Variants in PAN3 observed in about 807,000 individuals in gnomAD.
The protein encoded by PAN3 is PAN2-PAN3 deadenylation complex subunit PAN3.
PAN3 carries 19 observed loss-of-function variants against 96.2 expected under a neutral mutation model. The ratio of observed to expected loss-of-function variants is 0.20; its 90% CI spans 0.14 to 0.29. The LOEUF is 0.29. Ranked by LOEUF, PAN3 falls within the 10% of genes least tolerant of loss-of-function variation. PAN3 has a pLI of 1.00. For synonymous variants in PAN3, 433 were observed against 406.6 expected (o/e 1.06, Z -0.78); for missense variants, 882 against 1,108.1 (o/e 0.80, Z 2.90).
At chr13:28,203,874 G>T (rs1879048928) in intron 5 of PAN3, among the ~76,000 whole-genome samples, 3 of 150,458 alleles carry the variant, frequency 2.0e-5, no homozygotes, top group Non-Finnish European at 3.0e-5. Context: ...TGTGATCTCG[G>T]CTCACTGCAT....
intron 7 of PAN3, among the ~76,000 whole-genome samples, chr13:28,260,100 A>G (rs554276187): frequency 3.2e-4 from 48 of 152,264 alleles, no homozygotes; most frequent in African/African-American, 1.1e-3. Flanking sequence ...CTTATTGATT[A>G]TGAAAAATTA....
In PAN3 at chr13:28,138,946, G is replaced by A. The variant is rs765091877; in HGVS notation, c.289G>A (p.Gly97Ser). 3.0e-6 allele frequency: 4 copies of A among 1,326,130 alleles called. No individual in the cohort carries two copies. The South Asian group carries it at 6.5e-5, about 21-fold the overall frequency. 82.1% of individuals were successfully genotyped at this position (1,326,130 alleles called of 1,614,324 possible). A position where few individuals can be genotyped will look rare whatever the true frequency, so the allele number is the denominator to read the frequency against. The part of the protein sequence containing the change: ...PLALAGAPVA[G>S]FPPGAVAGGG... ...GGCTCTGGCTGGTGCACCCGTGGCC[G>A]GCTTTCCGCCGGGAGCCGTCGCGGG... Residue 97 changes from glycine (G) to serine (S), a missense_variant, in exon 1 of 19, where the codon GGC becomes AGC. This residue lies in a region of PAN3 where 442 missense variants were observed against 422.8 expected (regional missense o/e 1.05). Transcript: ENST00000380958.
At chr13:28,220,162 T>C (rs1179291103) in intron 5 of PAN3, 69 bp from the exon 6 acceptor site, 1 of 1,438,682 alleles carries the variant, frequency 7.0e-7, no homozygotes. Context: ...CTGTGGAATA[T>C]GCCTAGTAGA....
chr13:28,138,772 G>A lies in PAN3; in HGVS notation c.115G>A (p.Gly39Arg). The A allele has an allele frequency of 7.3e-7, 1 of 1,367,054 alleles. No individual in the cohort carries two copies. Among genetic ancestry groups the A allele is most frequent in the Non-Finnish European group, 9.4e-7 (1 of 1,064,258 alleles). The allele number at this position is 1,367,054 out of a possible 1,614,324, so 84.7% of individuals were successfully genotyped here. ...GCCGGGGGTCGGGGGTGTCCCCGGCGGGGCGGCGGTAGGAGTGAAGCTGAA... is the reference window on the plus strand; with the variant it reads ...GCCGGGGGTCGGGGGTGTCCCCGGCAGGGCGGCGGTAGGAGTGAAGCTGAA... ...APPGVGGVPG[G>R]AAVGVKLKYC... The change falls in exon 1 of 19, where the codon GGG becomes AGG. Residue 39 changes from glycine to arginine, a missense_variant. Gly to Arg is a moderately radical substitution (Grantham distance 125). Around this residue, in one of 3 missense-constraint regions of PAN3, gnomAD observed 442 missense variants for 422.8 expected, o/e 1.05. Transcript: ENST00000380958.
At chr13:28,174,598 C>T (rs1295813518) in intron 2 of PAN3, among the ~76,000 whole-genome samples, 1 of 151,964 alleles carries the variant, frequency 6.6e-6, no homozygotes, top group Non-Finnish European at 1.5e-5. Context: ...GGGTTAGGGG[C>T]AAGAGTGACG....
chr13:28,193,854 CTG>C (rs923023302), intron 4 of PAN3, among the ~76,000 whole-genome samples: 1 of 149,808 alleles, frequency 6.7e-6, no homozygotes, highest in African/African-American at 2.5e-5. Context: ...ACTGTAATAA[CTG>C]TGTCAAAAGT....
intron 5 of PAN3, among the ~76,000 whole-genome samples, chr13:28,205,663 A>AC (rs1879256185): frequency 6.6e-6 from 1 of 151,914 alleles, no homozygotes; most frequent in Non-Finnish European, 1.5e-5. Context: ...ACATAGTGAG[A>AC]CCCCTGTCTC....
chr13:28,215,509 C>T (rs1422781696), intron 5 of PAN3: 22 of 670,514 alleles, frequency 3.3e-5, no homozygotes, highest in South Asian at 1.4e-4. Flanking sequence ...AAATGACCCA[C>T]GAATGAAGGC....
Position 28,292,400 on chromosome 13 carries a change from GA to G in PAN3, c.2548del (p.Ile850Ter). ...CLNKLDAGVP[E>X]KISLISRDEK... ...GTTTCAGCTAGATGCTGGTGTGCCA[GA>G]AAAAATAAGCCTGATTTCCAGAGAT... On this transcript the variant is annotated frameshift_variant, in exon 19 of 19. Coordinates refer to ENST00000380958, the MANE Select transcript of PAN3 (RefSeq NM_175854.8). LOFTEE classifies it high-confidence loss of function. 6.2e-7 allele frequency: 1 copy of G among 1,605,352 alleles called. No homozygotes were observed. Among genetic ancestry groups the G allele is most frequent in the Non-Finnish European group, 8.5e-7 (1 of 1,176,248 alleles).
chr13:28,189,349 C>G (rs1224312432), intron 4 of PAN3, among the ~76,000 whole-genome samples: 3 of 152,068 alleles, frequency 2.0e-5, no homozygotes, highest in South Asian at 2.1e-4. Context: ...AACCTCATCT[C>G]TACTCAAAAT....
At position 28,197,276 on chromosome 13, in the gene PAN3, C is replaced by G. The variant is rs772510364; in HGVS notation, c.782C>G (p.Ala261Gly). Residue 261 changes from alanine (A) to glycine (G), a missense_variant, in exon 5 of 19, where the codon GCT (alanine) becomes GGT (glycine). By Grantham distance (60) the Ala-to-Gly change is moderately conservative (BLOSUM62 0). Around this residue, in one of 3 missense-constraint regions of PAN3, gnomAD observed 442 missense variants for 422.8 expected, o/e 1.05. Coordinates refer to ENST00000380958, the MANE Select transcript of PAN3 (RefSeq NM_175854.8). ...RKAKNPIGCL[A>G]DRCKSGVPIN... is the part of the protein sequence containing the mutation. ...GCAAAGAACCCTATTGGCTGCCTTG[C>G]TGACAGGTGTAAATCAGGAGTACCC... 1 of 1,612,676 alleles carries G rather than the reference C, an allele frequency of 6.2e-7. No individual in the cohort carries two copies. Among genetic ancestry groups the G allele is most frequent in the Non-Finnish European group, 8.5e-7 (1 of 1,179,308 alleles).
chr13:28,157,945 C>A (rs553531946), intron 1 of PAN3, among the ~76,000 whole-genome samples: 99 of 152,302 alleles, frequency 6.5e-4, no homozygotes, highest in Non-Finnish European at 7.3e-5. Context: ...TGATTTCAAA[C>A]TATACTTCAA....
chr13:28,252,188 CTTT>C (rs10545190), intron 6 of PAN3, among the ~76,000 whole-genome samples: 1,511 of 112,494 alleles, frequency 0.013, 37 homozygotes, highest in African/African-American at 0.048. Context: ...GCGACGGGCC[CTTT>C]TTTTTTTTTT....
intron 5 of PAN3, among the ~76,000 whole-genome samples, chr13:28,206,675 C>T (rs1368763149): frequency 5.3e-5 from 8 of 152,026 alleles, no homozygotes; most frequent in Middle Eastern, 6.9e-3. Flanking sequence ...CTACAATTGA[C>T]AGTTGACCAT....
At position 28,260,500 on chromosome 13, in the gene PAN3, G is replaced by A; in HGVS notation, c.1302G>A (p.Met434Ile). 6.2e-7 allele frequency: 1 copy of A among 1,613,686 alleles called. No individual in the cohort carries two copies. Among genetic ancestry groups the A allele is most frequent in the South Asian group, 1.1e-5 (1 of 91,076 alleles). ...YPPTAPHVAYMQPKANAPSFF... is the reference protein window; with the variant it reads ...YPPTAPHVAYIQPKANAPSFF... Reference sequence around the variant, plus strand: ...CAACTGCACCTCACGTTGCTTATATGCAACCGAAAGCAAACGCACCTTCCT... The same window carrying A: ...CAACTGCACCTCACGTTGCTTATATACAACCGAAAGCAAACGCACCTTCCT... The change falls in exon 8 of 19, where the codon ATG (methionine) becomes ATA (isoleucine). Residue 434 changes from methionine to isoleucine, a missense_variant. Physicochemically the swap from Met to Ile is conservative, Grantham distance 10. This residue lies in a region of PAN3 where 364 missense variants were observed against 513.6 expected (regional missense o/e 0.71). Transcript: ENST00000380958.
At chr13:28,138,498 T>A, upstream of PAN3, 25 of 16,098 alleles carry the variant, frequency 1.6e-3, no homozygotes, top group South Asian at 3.7e-3. Context: ...CCCTCTCCCC[T>A]CCCCCTTCTC....
Position 28,256,358 on chromosome 13 carries a change from C to A in PAN3, c.1067C>A (p.Ala356Asp), listed in dbSNP as rs762633164. The change falls in exon 7 of 19, where the codon GCT (alanine) becomes GAT (aspartate). Residue 356 changes from alanine (A) to aspartate (D), a missense_variant. Ala to Asp is a moderately radical substitution (Grantham distance 126). Around this residue, in one of 3 missense-constraint regions of PAN3, gnomAD observed 364 missense variants for 513.6 expected, o/e 0.71. Transcript: ENST00000380958. ...AAGATTACTCCACATACTTCTCCTG[C>A]TCCCAGAAGAAGAAGTCACACTCCA... ...SPKITPHTSP[A>D]PRRRSHTPNP... 1 of 1,613,338 alleles carries A rather than the reference C, an allele frequency of 6.2e-7. No homozygotes were observed. The highest frequency in any genetic ancestry group is 1.7e-5 in the Admixed American group (1 of 60,022).
At chr13:28,258,554 T>C (rs928691040) in intron 7 of PAN3, among the ~76,000 whole-genome samples, 2 of 152,280 alleles carry the variant, frequency 1.3e-5, no homozygotes, top group East Asian at 3.9e-4. Context: ...TGACCTAGAG[T>C]AGGTTTGAAT....
At chr13:28,249,233 C>G (rs763482319) in intron 6 of PAN3, among the ~76,000 whole-genome samples, 12 of 152,132 alleles carry the variant, frequency 7.9e-5, no homozygotes, top group Non-Finnish European at 1.6e-4. Flanking sequence ...GACTAAAAGT[C>G]ACAATGGTTT....
Sources: allele counts gnomAD v4.1 joint callset (sites outside exome capture counted in the v4.1 genomes callset), GRCh38; gene constraint gnomAD v4.1.1; regional missense constraint gnomAD v4.1.1; transcripts MANE v1.5; gene names NCBI Gene and HGNC (gene_info 2026-07-23, HGNC 2026-07-21).